CEP290: variants seen among roughly 807,000 people sequenced by gnomAD.
CEP290 encodes centrosomal protein of 290 kDa.
A neutral mutation model predicts 344.9 loss-of-function variants in CEP290; 317 were observed. The observed-to-expected ratio is 0.92, with a 90% CI of 0.84 to 1.01. The LOEUF (loss-of-function observed/expected upper bound fraction) is 1.01, where lower values mean the gene tolerates loss of function less well. CEP290 is among the 50% of genes least tolerant of loss of function. The pLI is 0.00. For missense variants in CEP290, 2,754 were observed against 2,761.4 expected, an observed-to-expected ratio of 1.00 and a Z score of 0.06; for synonymous variants, 932 against 895.8, an observed-to-expected ratio of 1.04 and a Z score of -0.72.
Position 88,093,748 on chromosome 12 carries a change from G to C in CEP290, c.3309+22C>G, listed in dbSNP as rs756124028. 9 of 1,528,744 alleles carry C rather than the reference G, an allele frequency of 5.9e-6. No individual in the cohort carries two copies. In the South Asian group the frequency reaches 1.1e-4, roughly 18 times the overall value. The allele number at this position is 1,528,744 out of a possible 1,614,324, so 94.7% of individuals were successfully genotyped here. On this transcript the variant is annotated intron_variant, in intron 28 of 53. Transcript: ENST00000552810. ...CTAATTCTTTATTCTATAATTGTAT[G>C]ATAAAACTTATAATATCAAACCTCA...
At chr12:88,088,073 T>C (rs911452999) in intron 31 of CEP290, 129 bp from the exon 32 acceptor site, 1 of 397,096 alleles carries the variant, frequency 2.5e-6, no homozygotes, top group Admixed American at 4.6e-5. Flanking sequence ...ATGTTATCTT[T>C]TGTCAAACTA....
At chr12:88,117,489 G>GT (rs1337007952) in intron 17 of CEP290, among the ~76,000 whole-genome samples, 1 of 152,088 alleles carries the variant, frequency 6.6e-6, no homozygotes, top group East Asian at 1.9e-4. Flanking sequence ...AAATCATGAA[G>GT]TTTTTTCTTG....
intron 46 of CEP290, among the ~76,000 whole-genome samples, chr12:88,061,784 T>TG (rs1408457764): frequency 6.6e-6 from 1 of 152,096 alleles, no homozygotes; most frequent in African/African-American, 2.4e-5. Context: ...TTCCTTTTTT[T>TG]TTTTTGTTTT....
At chr12:88,050,929 C>T (rs1173118169) in intron 52 of CEP290, among the ~76,000 whole-genome samples, 1 of 152,092 alleles carries the variant, frequency 6.6e-6, no homozygotes, top group Non-Finnish European at 1.5e-5. Context: ...TAAGACATAG[C>T]CCTGATACTT....
At chr12:88,139,766 C>T in intron 3 of CEP290, among the ~76,000 whole-genome samples, 1 of 152,104 alleles carries the variant, frequency 6.6e-6, no homozygotes, top group East Asian at 1.9e-4. Flanking sequence ...CTCACTTTGT[C>T]ACCCAGGCTG....
chr12:88,125,341 T>C lies in CEP290; in HGVS notation c.1094A>G (p.Lys365Arg). The C allele has an allele frequency of 7.6e-7, 1 of 1,321,700 alleles. No homozygotes were observed. Among genetic ancestry groups the C allele is most frequent in the Admixed American group, 3.0e-5 (1 of 33,624 alleles). 81.9% of individuals were successfully genotyped at this position (1,321,700 alleles called of 1,614,324 possible). A position where few individuals can be genotyped will look rare whatever the true frequency, so the allele number is the denominator to read the frequency against. ...TTGTTCTACTTGTTCGGTGAGCATC[T>C]TAATTTGACTGTCTCGTTCCTGTAT... ...QGIQERDSQI[K>R]MLTEQVEQYT... Residue 365 changes from lysine to arginine, a missense_variant, in exon 13 of 54, where the codon AAG becomes AGG. By Grantham distance (26) the Lys-to-Arg change is conservative. Transcript: ENST00000552810.
intron 34 of CEP290, 76 bp from the exon 35 acceptor site, chr12:88,084,928 G>A: frequency 8.6e-7 from 1 of 1,165,904 alleles, no homozygotes. Context: ...TTTTAGATTA[G>A]TTATTAGCCA....
At chr12:88,064,257 C>A in intron 44 of CEP290, 142 bp from the exon 45 acceptor site, 6 of 630,884 alleles carry the variant, frequency 9.5e-6, no homozygotes, top group South Asian at 7.2e-5. Flanking sequence ...CTGGTGAAAG[C>A]CAAAAATAAA....
intron 25 of CEP290, chr12:88,103,242 G>T (rs1222058428): frequency 7.6e-6 from 2 of 262,408 alleles, no homozygotes; most frequent in African/African-American, 4.4e-5. Flanking sequence ...AATAACTCCT[G>T]TCATTGTAAA....
intron 18 of CEP290, chr12:88,115,772 T>G: frequency 3.1e-6 from 3 of 977,394 alleles, no homozygotes. Flanking sequence ...TCACCTGAGA[T>G]CTAAGAAATA....
chr12:88,071,312 T>C lies in CEP290; in HGVS notation c.5993A>G (p.Asn1998Ser). 6.2e-7 allele frequency: 1 copy of C among 1,606,612 alleles called. No individual in the cohort carries two copies. Residue 1998 changes from asparagine to serine, a missense_variant, in exon 43 of 54, where the codon AAT (asparagine) becomes AGT (serine). Asn to Ser is a conservative substitution (Grantham distance 46). Transcript: ENST00000552810. ...ELKKRNLDLE[N>S]DILYMRAHQA... ...AGCTTACCTCATATACAATATATCA[T>C]TTTCTAAGTCAAGATTTCTCTTTTT...
intron 11 of CEP290, among the ~76,000 whole-genome samples, chr12:88,128,544 C>T (rs2039870483): frequency 6.6e-6 from 1 of 152,044 alleles, no homozygotes; most frequent in African/African-American, 2.4e-5. Flanking sequence ...TTTGCTTATT[C>T]CCATTCCCAC....
At chr12:88,102,762 G>T (rs1022677602) in intron 26 of CEP290, 76 bp downstream of exon 26, 35 of 1,209,720 alleles carry the variant, frequency 2.9e-5, no homozygotes, top group Non-Finnish European at 3.8e-5. Context: ...ATTAAAATCT[G>T]CCAAATCCCC....
At chr12:88,112,608 T>C (rs976055262) in intron 20 of CEP290, among the ~76,000 whole-genome samples, 2 of 151,980 alleles carry the variant, frequency 1.3e-5, no homozygotes, top group African/African-American at 4.8e-5. Flanking sequence ...ATGAACTGTA[T>C]GGAAAAAACT....
In CEP290 at chr12:88,106,847, T is replaced by C; in HGVS notation, c.2645A>G (p.Asn882Ser). The C allele has an allele frequency of 6.2e-7, 1 of 1,608,236 alleles. No homozygotes were observed. The highest frequency in any genetic ancestry group is 8.5e-7 in the Non-Finnish European group (1 of 1,176,952). ...SDEMKKILAE[N>S]SRKITVLQVN... ...TTGCAAAACAGTAATTTTCCTACTA[T>C]TTTCTGCAAGTATTTTTTTCATTTC... Residue 882 changes from asparagine to serine, a missense_variant, in exon 25 of 54, where the codon AAT becomes AGT. By Grantham distance (46) the Asn-to-Ser change is conservative (BLOSUM62 1). Transcript: ENST00000552810.
intron 34 of CEP290, among the ~76,000 whole-genome samples, chr12:88,085,544 C>T (rs180818530): frequency 2.3e-4 from 35 of 152,110 alleles, no homozygotes; most frequent in African/African-American, 8.4e-4. Context: ...AAAACACATT[C>T]AGTTTACATT....
rs762881903 is a variant in CEP290 at position 88,068,528 on chromosome 12, C to G, written c.6129G>C (p.Lys2043Asn). Residue 2043 changes from lysine to asparagine, a missense_variant, in exon 44 of 54, where the codon AAG becomes AAC. Coordinates refer to ENST00000552810, the MANE Select transcript of CEP290 (RefSeq NM_025114.4). ...EKQFSKDTYS[K>N]PSISGIESDD... ...ATAAAAGATATACACTTACTGAAGG[C>G]TTAGAATATGTATCCTTTGAAAACT... The G allele has an allele frequency of 6.5e-7, 1 of 1,529,760 alleles. No individual in the cohort carries two copies. Among genetic ancestry groups the G allele is most frequent in the Non-Finnish European group, 8.8e-7 (1 of 1,136,000 alleles). The allele number at this position is 1,529,760 out of a possible 1,614,324, so 94.8% of individuals were successfully genotyped here.
At chr12:88,050,193 T>C (rs2033357850) in intron 53 of CEP290, 161 bp downstream of exon 53, 2 of 511,448 alleles carry the variant, frequency 3.9e-6, no homozygotes, top group South Asian at 3.1e-5. Context: ...AACTCTAATA[T>C]GTTAGGAATA....
intron 42 of CEP290, 33 bp from the exon 43 acceptor site, chr12:88,071,482 C>A (rs2035370697): frequency 1.3e-6 from 2 of 1,554,272 alleles, no homozygotes; most frequent in Admixed American, 2.0e-5. Context: ...ATGAAATATA[C>A]CATTCAGTGT....
Sources: allele counts gnomAD v4.1 joint callset (sites outside exome capture counted in the v4.1 genomes callset), GRCh38; gene constraint gnomAD v4.1.1; transcripts MANE v1.5; gene names NCBI Gene and HGNC (gene_info 2026-07-23, HGNC 2026-07-21).